Variants in PRMT2 observed in about 807,000 individuals in gnomAD.
PRMT2 encodes the protein protein arginine methyltransferase 2.
Under a neutral mutation model 57.6 loss-of-function variants are expected in PRMT2, and 26 were observed. That is an observed-to-expected ratio of 0.45 (90% CI 0.33 to 0.63). The LOEUF is 0.63. Among genes scored for constraint, PRMT2 ranks in the 20% least tolerant of loss-of-function variants. The pLI is 0.02. For synonymous variants in PRMT2, 219 were observed against 220.0 expected (o/e 1.00, Z 0.04); for missense variants, 472 against 564.4 (o/e 0.84, Z 1.66).
At chr21:46,656,789 C>T (rs559412222) in intron 7 of PRMT2, 21 of 152,216 alleles carry the variant, frequency 1.4e-4, no homozygotes, top group Non-Finnish European at 2.1e-4. Context: ...ACTCTAAAAG[C>T]GTGATCCATA....
chr21:46,648,492 G>A lies in PRMT2; in HGVS notation c.362G>A (p.Arg121Gln). 5 of 1,614,164 alleles carry A rather than the reference G, an allele frequency of 3.1e-6. No individual in the cohort carries two copies. The highest frequency in any genetic ancestry group is 4.2e-6 in the Non-Finnish European group (5 of 1,180,024). The change falls in exon 6 of 12, where the codon CGA becomes CAA. Residue 121 changes from arginine to glutamine, a missense_variant. Physicochemically the swap from Arg to Gln is conservative, Grantham distance 43. Coordinates refer to ENST00000355680, the MANE Select transcript of PRMT2 (RefSeq NM_206962.4). This position sits in a 1 kb window ranked among gnomAD's most constrained non-coding sequence, Gnocchi z 4.8. ...TTGGAGATGTTGGCAGACCAGCCAC[G>A]AACAACTAAATACCACAGTGTCATC... The part of the protein sequence containing the change: ...LHLEMLADQP[R>Q]TTKYHSVILQ...
chr21:46,639,438 C>T (rs2061230663), intron 3 of PRMT2, among the ~76,000 whole-genome samples: 1 of 151,948 alleles, frequency 6.6e-6, no homozygotes, highest in Admixed American at 6.6e-5. Context: ...ACTAAAAATT[C>T]TCCACTATGA....
intron 7 of PRMT2, among the ~76,000 whole-genome samples, chr21:46,655,613 C>T (rs1363945972): frequency 6.6e-6 from 1 of 152,078 alleles, no homozygotes; most frequent in African/African-American, 2.4e-5. Flanking sequence ...AGAAAATTTC[C>T]TAAAACTAGT....
intron 5 of PRMT2, among the ~76,000 whole-genome samples, chr21:46,647,668 T>G (rs1301668888): frequency 6.6e-6 from 1 of 152,232 alleles, no homozygotes; most frequent in Non-Finnish European, 1.5e-5. Context: ...CCTGGCCTTC[T>G]GATTCTATTT....
At chr21:46,645,456 A>C (rs1427707913) in intron 5 of PRMT2, among the ~76,000 whole-genome samples, 2 of 152,012 alleles carry the variant, frequency 1.3e-5, no homozygotes, top group African/African-American at 2.4e-5. Flanking sequence ...ATTGAACCAG[A>C]CTCTGTCCCT....
In PRMT2 at chr21:46,664,582, CACCCGTGGTGCCCACAGTGCCGACCCG is replaced by C; in HGVS notation, c.*256_*282del. 1 of 578,624 alleles carries C rather than the reference CACCCGTGGTGCCCACAGTGCCGACCCG, an allele frequency of 1.7e-6. No homozygotes were observed. Among genetic ancestry groups the C allele is most frequent in the East Asian group, 2.9e-5 (1 of 34,592 alleles). 35.8% of individuals were successfully genotyped at this position (578,624 alleles called of 1,614,324 possible). ...GAAGTAGGCTGTGTTTCCAGGTGTT[CACCCGTGGTGCCCACAGTGCCGACCCG>C]TGGCTGGGTCGGAGCTCCATGTTCC... On this transcript the variant is annotated 3_prime_UTR_variant, in exon 12 of 12. Coordinates refer to ENST00000355680, the MANE Select transcript of PRMT2 (RefSeq NM_206962.4).
intron 7 of PRMT2, chr21:46,652,380 C>G: frequency 9.2e-7 from 1 of 1,081,190 alleles, no homozygotes; most frequent in Non-Finnish European, 1.1e-6. Flanking sequence ...TAAAGAATTG[C>G]AGCTAAAGAA....
At chr21:46,656,869 G>C (rs2061548538) in intron 7 of PRMT2, 1 of 151,226 alleles carries the variant, frequency 6.6e-6, no homozygotes, top group African/African-American at 2.5e-5. Flanking sequence ...ATGATGCTAA[G>C]AGAATAAAAA....
chr21:46,663,143 C>T (rs2149006827), intron 10 of PRMT2, among the ~76,000 whole-genome samples: 1 of 152,328 alleles, frequency 6.6e-6, no homozygotes, highest in African/African-American at 2.4e-5. Context: ...GTCTCACTAG[C>T]GTAACTTTGA....
rs553804684 is a variant in PRMT2, at chr21:46,643,647, C to T, written c.144+8C>T. 3 of 1,595,664 alleles carry T rather than the reference C, an allele frequency of 1.9e-6. No individual in the cohort carries two copies. Among genetic ancestry groups the T allele is most frequent in the South Asian group, 1.1e-5 (1 of 87,892 alleles). ...GCCACCGATGAGACCCAGGTAGCCA[C>T]ACGTGGTGGTTAATGCTTTATGGCT... On this transcript the variant is annotated splice_region_variant and intron_variant, in intron 4 of 11. Coordinates refer to ENST00000355680, the MANE Select transcript of PRMT2 (RefSeq NM_206962.4).
At position 46,660,942 on chromosome 21, in the gene PRMT2, G is replaced by T; in HGVS notation, c.940G>T (p.Val314Leu). Reference sequence around the variant, plus strand: ...TATATTGCAGTTGGACATGAGAACCGTGCAAATTTCTGATCTAGAGGTGAG... The same window carrying T: ...TATATTGCAGTTGGACATGAGAACCTTGCAAATTTCTGATCTAGAGGTGAG... ...CTILQLDMRTVQISDLETLRG... is the reference protein window; with the variant it reads ...CTILQLDMRTLQISDLETLRG... The change falls in exon 9 of 12, where the codon GTG (valine) becomes TTG (leucine). Residue 314 changes from valine (V) to leucine (L), a missense_variant. Val to Leu is a conservative substitution (Grantham distance 32). Around this residue, in one of 2 missense-constraint regions of PRMT2, gnomAD observed 229 missense variants for 217.2 expected, o/e 1.05. Coordinates refer to ENST00000355680, the MANE Select transcript of PRMT2 (RefSeq NM_206962.4). 1.2e-6 allele frequency: 2 copies of T among 1,612,822 alleles called. No homozygotes were observed. The highest frequency in any genetic ancestry group is 8.5e-7 in the Non-Finnish European group (1 of 1,179,354).
intron 9 of PRMT2, chr21:46,661,549 G>C (rs2061621459): frequency 3.8e-6 from 1 of 262,136 alleles, no homozygotes; most frequent in African/African-American, 3.6e-5. Context: ...GAAGAGCTGA[G>C]CGCCGAAAAG....
Position 46,642,434 on chromosome 21 carries a change from A to C in PRMT2, c.40-1101A>C, listed in dbSNP as rs748138279. ...GGCCACAGGCTTATTGTGTGAACCC[A>C]GTGAATGCTTTGTACTTATGTTACG... On this transcript the variant is annotated intron_variant, in intron 3 of 11. Coordinates refer to ENST00000355680, the MANE Select transcript of PRMT2 (RefSeq NM_206962.4). 3.2e-4 allele frequency among the ~76,000 whole-genome samples: 49 copies of C among 152,346 alleles called. No individual in the cohort carries two copies. The Middle Eastern group carries it at 0.01, about 32-fold the overall frequency.
intron 7 of PRMT2, chr21:46,650,018 T>C (rs2839373): frequency 0.087 from 119,982 of 1,380,196 alleles, 5,989 homozygotes; most frequent in Non-Finnish European, 0.099. Context: ...TCTGTAAAAA[T>C]CCTGTGCCTA....
In PRMT2 at chr21:46,643,598, T is replaced by C. The variant is rs2061317282; in HGVS notation, c.103T>C (p.Phe35Leu). 1 of 1,609,524 alleles carries C rather than the reference T, an allele frequency of 6.2e-7. No homozygotes were observed. The highest frequency in any genetic ancestry group is 2.2e-5 in the East Asian group (1 of 44,492). ...LLQEGVQPEE[F>L]VAIADYAATD... ...GCAGGAGGGAGTACAGCCAGAGGAG[T>C]TTGTGGCCATCGCGGACTACGCTGC... is the stretch of plus-strand genomic sequence containing the variant. Residue 35 changes from phenylalanine (F) to leucine (L), a missense_variant, in exon 4 of 12, where the codon TTT becomes CTT. This residue lies in a region of PRMT2 where 243 missense variants were observed against 347.2 expected (regional missense o/e 0.70). Coordinates refer to ENST00000355680, the MANE Select transcript of PRMT2 (RefSeq NM_206962.4).
At chr21:46,641,121 C>T (rs1187111020) in intron 3 of PRMT2, among the ~76,000 whole-genome samples, 3 of 27,254 alleles carry the variant, frequency 1.1e-4, no homozygotes, top group Non-Finnish European at 6.9e-5. Context: ...GTGACCTCAT[C>T]TCAAAAAAAA....
intron 3 of PRMT2, among the ~76,000 whole-genome samples, chr21:46,639,445 A>G (rs1353598730): frequency 6.6e-6 from 1 of 151,984 alleles, no homozygotes; most frequent in Non-Finnish European, 1.5e-5. Flanking sequence ...ATTCTCCACT[A>G]TGATTGTAGA....
chr21:46,660,657 AGGCACCCAGGGCCT>A lies in PRMT2; in HGVS notation c.831-174_831-161del, dbSNP rs1393036012. On this transcript the variant is annotated intron_variant, in intron 8 of 11. Transcript: ENST00000355680. Reference sequence around the variant, plus strand: ...AGAGTCTGGGTCTTCTCAGAGCGGGAGGCACCCAGGGCCTGTGGAGGCCTGAGGGCTGCTCTGGG... The same window carrying A: ...AGAGTCTGGGTCTTCTCAGAGCGGGAGTGGAGGCCTGAGGGCTGCTCTGGG... 1.2e-4 allele frequency among the ~76,000 whole-genome samples: 19 copies of A among 152,210 alleles called. No homozygotes were observed. In the East Asian group the frequency reaches 3.7e-3, roughly 29 times the overall value.
intron 8 of PRMT2, chr21:46,660,223 C>T: frequency 1.1e-6 from 1 of 942,880 alleles, no homozygotes; most frequent in Non-Finnish European, 1.3e-6. Context: ...CTAGTGCAGC[C>T]AGTGATGGGG....
Sources: allele counts gnomAD v4.1 joint callset (sites outside exome capture counted in the v4.1 genomes callset), GRCh38; gene constraint gnomAD v4.1.1; regional missense constraint gnomAD v4.1.1; non-coding constraint Gnocchi (gnomAD v3.1); transcripts MANE v1.5; gene names NCBI Gene and HGNC (gene_info 2026-07-23, HGNC 2026-07-21).